Variants in TGFB2 observed in about 807,000 individuals in gnomAD.
TGFB2 encodes the protein transforming growth factor beta-2 proprotein.
Under a neutral mutation model 42.7 loss-of-function variants are expected in TGFB2, and 13 were observed. The ratio of observed to expected loss-of-function variants is 0.30; its 90% CI spans 0.20 to 0.48. The LOEUF (loss-of-function observed/expected upper bound fraction) is 0.48. TGFB2 is among the 20% of genes least tolerant of loss of function. The pLI, the probability that TGFB2 is intolerant of heterozygous loss-of-function variation, is 0.99. For missense variants in TGFB2, 390 were observed against 517.5 expected (o/e 0.75, Z 2.39); for synonymous variants, 193 against 193.6 (o/e 1.00, Z 0.03).
chr1:218,393,096 T>A (rs1224639921), intron 1 of TGFB2, among the ~76,000 whole-genome samples: 1 of 152,212 alleles, frequency 6.6e-6, no homozygotes, highest in Non-Finnish European at 1.5e-5. Flanking sequence ...TAGAGAAAGA[T>A]TTTCGGCTAA....
chr1:218,380,420 G>A (rs983039091), intron 1 of TGFB2, among the ~76,000 whole-genome samples: 4 of 152,090 alleles, frequency 2.6e-5, no homozygotes, highest in African/African-American at 9.7e-5. Context: ...ACTGGCAACA[G>A]TAATCAGCAT....
At chr1:218,437,289 G>C in intron 5 of TGFB2, 54 bp from the exon 6 acceptor site, 4 of 1,506,940 alleles carry the variant, frequency 2.7e-6, no homozygotes, top group Non-Finnish European at 3.6e-6. Context: ...GGTAGAGTGA[G>C]GGTGGTGAAT....
intron 6 of TGFB2, among the ~76,000 whole-genome samples, chr1:218,440,881 C>A (rs1228602567): frequency 6.6e-6 from 1 of 152,124 alleles, no homozygotes; most frequent in African/African-American, 2.4e-5. Context: ...GATGTATGTG[C>A]AGCCAAGCAC....
chr1:218,375,516 C>T (rs1657713129), intron 1 of TGFB2, among the ~76,000 whole-genome samples: 1 of 150,648 alleles, frequency 6.6e-6, no homozygotes, highest in African/African-American at 2.4e-5. Context: ...ATGTTTTTCA[C>T]ATGGTAGAGG....
At chr1:218,353,995 G>A (rs937185175) in intron 1 of TGFB2, among the ~76,000 whole-genome samples, 3 of 152,108 alleles carry the variant, frequency 2.0e-5, no homozygotes, top group Admixed American at 6.5e-5. Flanking sequence ...CTCTTCCTTT[G>A]CACTCTTACT....
intron 6 of TGFB2, among the ~76,000 whole-genome samples, chr1:218,438,937 T>C (rs924766973): frequency 3.6e-4 from 55 of 151,900 alleles, no homozygotes; most frequent in African/African-American, 1.3e-3. Flanking sequence ...TGAAACCCCG[T>C]CTCTACTAAA....
chr1:218,405,439 A>C, intron 2 of TGFB2, 107 bp downstream of exon 2: 229 of 1,577,610 alleles, frequency 1.5e-4, no homozygotes, highest in Non-Finnish European at 1.8e-4. Context: ...ATCACAGCTC[A>C]CTGCAACCTT....
intron 1 of TGFB2, among the ~76,000 whole-genome samples, chr1:218,355,556 A>G (rs937086786): frequency 6.6e-6 from 1 of 152,196 alleles, no homozygotes; most frequent in Non-Finnish European, 1.5e-5. Context: ...TTCCTACCGA[A>G]TTCAGATCTT....
chr1:218,373,429 GTAA>G (rs1657636772), intron 1 of TGFB2, among the ~76,000 whole-genome samples: 2 of 151,460 alleles, frequency 1.3e-5, no homozygotes, highest in South Asian at 4.2e-4. Flanking sequence ...AATATGATTA[GTAA>G]TAATATGACT....
chr1:218,415,390 G>A (rs1345152064), intron 2 of TGFB2, among the ~76,000 whole-genome samples: 1 of 152,028 alleles, frequency 6.6e-6, no homozygotes, highest in East Asian at 1.9e-4. Flanking sequence ...GCTTGTGGTG[G>A]TTCATTAAGT....
chr1:218,385,553 C>A (rs11466386), intron 1 of TGFB2, among the ~76,000 whole-genome samples: 2,217 of 152,238 alleles, frequency 0.015, 56 homozygotes, highest in African/African-American at 0.051. Flanking sequence ...AGATTTTTTG[C>A]TGAAGGGTTT....
chr1:218,354,064 C>T (rs1197001167), intron 1 of TGFB2, among the ~76,000 whole-genome samples: 1 of 152,220 alleles, frequency 6.6e-6, no homozygotes, highest in Non-Finnish European at 1.5e-5. Context: ...AGATCTAACT[C>T]TGTTCTGGGC....
At chr1:218,369,525 A>T (rs542681116) in intron 1 of TGFB2, among the ~76,000 whole-genome samples, 2 of 152,242 alleles carry the variant, frequency 1.3e-5, no homozygotes, top group South Asian at 2.1e-4. Flanking sequence ...AGTTATTGGC[A>T]ACTCACCCCC....
chr1:218,351,874 A>G (rs1223688398), intron 1 of TGFB2, among the ~76,000 whole-genome samples: 8 of 152,236 alleles, frequency 5.3e-5, no homozygotes, highest in Admixed American at 6.5e-5. Flanking sequence ...TTCCTAGAGG[A>G]AACTGAGATG....
chr1:218,376,376 C>G (rs1036593564), intron 1 of TGFB2, among the ~76,000 whole-genome samples: 4 of 152,158 alleles, frequency 2.6e-5, no homozygotes, highest in African/African-American at 9.7e-5. Flanking sequence ...TCCTGAAAAC[C>G]ATGACCTACA....
chr1:218,349,132 G>A (rs559815237), intron 1 of TGFB2, among the ~76,000 whole-genome samples: 1 of 152,152 alleles, frequency 6.6e-6, no homozygotes, highest in East Asian at 1.9e-4. Flanking sequence ...CCTCCGATAC[G>A]TCCAAGATAA....
chr1:218,434,035 G>T (rs754724003), intron 2 of TGFB2, 47 bp from the exon 3 acceptor site: 11 of 1,608,004 alleles, frequency 6.8e-6, no homozygotes. Context: ...TAGTCATGCT[G>T]TCAGAATGCC....
At chr1:218,351,581 T>C (rs1185691603) in intron 1 of TGFB2, among the ~76,000 whole-genome samples, 1 of 152,140 alleles carries the variant, frequency 6.6e-6, no homozygotes, top group Non-Finnish European at 1.5e-5. Context: ...ACGAAAGCAG[T>C]TGGGTCGTCT....
chr1:218,441,444 A>C lies in TGFB2; in HGVS notation c.*82A>C. ...GACGACAACGATGATGCTTGTAACA[A>C]GAAAACATAAGAGAGCCTTGGTTCA... On this transcript the variant is annotated 3_prime_UTR_variant, in exon 7 of 7. Coordinates refer to ENST00000366930, the MANE Select transcript of TGFB2 (RefSeq NM_003238.6). The C allele has an allele frequency of 4.9e-6, 7 of 1,428,182 alleles. No homozygotes were observed. Among genetic ancestry groups the C allele is most frequent in the Non-Finnish European group, 6.5e-6 (7 of 1,069,972 alleles). The allele number at this position is 1,428,182 out of a possible 1,614,324, so 88.5% of individuals were successfully genotyped here.
Sources: allele counts gnomAD v4.1 joint callset (sites outside exome capture counted in the v4.1 genomes callset), GRCh38; gene constraint gnomAD v4.1.1; transcripts MANE v1.5; gene names NCBI Gene and HGNC (gene_info 2026-07-23, HGNC 2026-07-21).